Variants in TDP2 observed in about 807,000 individuals in gnomAD.
TDP2 encodes the protein tyrosyl-DNA phosphodiesterase 2, also known as 5'-Tyr-DNA phosphodiesterase.
TDP2 carries 38 observed loss-of-function variants against 42.8 expected under a neutral mutation model. The observed-to-expected ratio is 0.89, with a 90% CI of 0.68 to 1.16. TDP2 has a LOEUF of 1.16. TDP2 is among the 50% of genes most tolerant of loss of function. TDP2 has a pLI of 0.00. For missense variants in TDP2, 439 were observed against 439.3 expected, an observed-to-expected ratio of 1.00 and a Z score of 0.01; for synonymous variants, 173 against 150.6, an observed-to-expected ratio of 1.15 and a Z score of -1.09.
At chr6:24,665,944 G>A (rs1356110402) in intron 2 of TDP2, 2 of 795,342 alleles carry the variant, frequency 2.5e-6, no homozygotes, top group Non-Finnish European at 3.5e-6. Context: ...TGACCCGTTG[G>A]AAAAAAGTAA....
rs766838630 is a variant in TDP2 at position 24,650,926 on chromosome 6, TC to T, written c.950del (p.Arg317GlnfsTer23). On this transcript the variant is annotated frameshift_variant, in exon 7 of 7. Coordinates refer to ENST00000378198, the MANE Select transcript of TDP2 (RefSeq NM_016614.3). LOFTEE classifies it high-confidence loss of function. ...ITAACKLRFDRIFFRAAAEEG... is the reference protein window; with the variant it reads ...ITAACKLRFDXIFFRAAAEEG... ...CTTCTGCTGCTGCTCTGAAAAATAT[TC>T]GATCAAAACGAAGTTTACAAGCAGC... The T allele has an allele frequency of 6.2e-7, 1 of 1,614,156 alleles. No homozygotes were observed. The highest frequency in any genetic ancestry group is 1.1e-5 in the South Asian group (1 of 91,082).
chr6:24,652,550 T>G (rs1453095370), intron 6 of TDP2, among the ~76,000 whole-genome samples: 1 of 151,862 alleles, frequency 6.6e-6, no homozygotes, highest in Non-Finnish European at 1.5e-5. Flanking sequence ...TAAAAAAGGC[T>G]AATAAAAGCC....
Position 24,666,789 on chromosome 6 carries a change from C to T in TDP2, c.74G>A (p.Arg25Gln). 6.2e-7 allele frequency: 1 copy of T among 1,614,260 alleles called. No homozygotes were observed. Among genetic ancestry groups the T allele is most frequent in the South Asian group, 1.1e-5 (1 of 91,090 alleles). ...EEEGEPEVKK[R>Q]RLLCVEFASV... The stretch of plus-strand genomic sequence containing the variant: ...GGCAAACTCCACACACAGAAGTCGC[C>T]GCTTTTTCACCTCAGGCTCGCCCTC... The change falls in exon 1 of 7, where the codon CGG becomes CAG. Residue 25 changes from arginine (R) to glutamine (Q), a missense_variant. Transcript: ENST00000378198.
chr6:24,666,798 A>C lies in TDP2; in HGVS notation c.65T>G (p.Val22Gly), dbSNP rs1582428319. The change falls in exon 1 of 7, where the codon GTG becomes GGG. Residue 22 changes from valine to glycine, a missense_variant. Physicochemically the swap from Val to Gly is moderately radical, Grantham distance 109. Coordinates refer to ENST00000378198, the MANE Select transcript of TDP2 (RefSeq NM_016614.3). Reference sequence around the variant, plus strand: ...CACACACAGAAGTCGCCGCTTTTTCACCTCAGGCTCGCCCTCTTCCTCCGC... The same window carrying C: ...CACACACAGAAGTCGCCGCTTTTTCCCCTCAGGCTCGCCCTCTTCCTCCGC... ...EAAEEEGEPE[V>G]KKRRLLCVEF... 6.2e-7 allele frequency: 1 copy of C among 1,614,118 alleles called. No individual in the cohort carries two copies. The highest frequency in any genetic ancestry group is 1.3e-5 in the African/African-American group (1 of 75,032).
intron 4 of TDP2, among the ~76,000 whole-genome samples, chr6:24,655,119 T>C (rs1181193503): frequency 6.6e-6 from 1 of 151,966 alleles, no homozygotes. Context: ...ATGAGAAAAT[T>C]TGAGAAATTT....
chr6:24,653,300 A>C, intron 5 of TDP2, 147 bp from the exon 6 acceptor site: 1 of 860,490 alleles, frequency 1.2e-6, no homozygotes, highest in Non-Finnish European at 1.8e-6. Flanking sequence ...CCTCCGGATC[A>C]AAAGAAGTAT....
At chr6:24,655,253 AAGAAC>A (rs1490337236) in intron 4 of TDP2, among the ~76,000 whole-genome samples, 1 of 152,232 alleles carries the variant, frequency 6.6e-6, no homozygotes, top group Non-Finnish European at 1.5e-5. Context: ...ATAAACCTGC[AAGAAC>A]AGAAAATAGG....
chr6:24,666,738 A>C lies in TDP2; in HGVS notation c.125T>G (p.Val42Gly), dbSNP rs1248950116. Residue 42 changes from valine (V) to glycine (G), a missense_variant, in exon 1 of 7, where the codon GTG (valine) becomes GGG (glycine). By Grantham distance (109) the Val-to-Gly change is moderately radical. Transcript: ENST00000378198. ...GTTCTCGGCCAGGAAGCACTGAGCC[A>C]CTGCGGCATCGCAGCTTGCGACCGA... The part of the protein sequence containing the change: ...FASVASCDAA[V>G]AQCFLAENDW... The C allele has an allele frequency of 6.2e-7, 1 of 1,614,266 alleles. No individual in the cohort carries two copies. Among genetic ancestry groups the C allele is most frequent in the South Asian group, 1.1e-5 (1 of 91,090 alleles).
chr6:24,662,215 C>T (rs1778160357), intron 2 of TDP2, among the ~76,000 whole-genome samples: 1 of 151,858 alleles, frequency 6.6e-6, no homozygotes, highest in Admixed American at 6.6e-5. Flanking sequence ...AAGATCTGAC[C>T]GTCCCCCAGC....
chr6:24,652,939 A>G, intron 6 of TDP2, 44 bp downstream of exon 6: 2 of 1,602,036 alleles, frequency 1.2e-6, no homozygotes, highest in Non-Finnish European at 1.7e-6. Context: ...TAGTCTCCAT[A>G]GCAATAATCT....
intron 2 of TDP2, among the ~76,000 whole-genome samples, chr6:24,662,170 G>T (rs1778159514): frequency 6.6e-6 from 1 of 152,112 alleles, no homozygotes. Context: ...TCCCCCCACT[G>T]AGACAGCCTG....
intron 2 of TDP2, among the ~76,000 whole-genome samples, chr6:24,661,872 A>C (rs911884092): frequency 1.3e-5 from 2 of 152,190 alleles, no homozygotes; most frequent in Admixed American, 1.3e-4. Flanking sequence ...AGAGGAAGAC[A>C]TAAGAAACTC....
At chr6:24,665,424 C>G (rs927217364) in intron 2 of TDP2, among the ~76,000 whole-genome samples, 2 of 152,084 alleles carry the variant, frequency 1.3e-5, no homozygotes, top group African/African-American at 2.4e-5. Context: ...TAAACAATTC[C>G]CCAACAAGAG....
At chr6:24,656,249 A>G (rs975813364) in intron 4 of TDP2, among the ~76,000 whole-genome samples, 1 of 152,206 alleles carries the variant, frequency 6.6e-6, no homozygotes, top group African/African-American at 2.4e-5. Flanking sequence ...CTAAAAGTCA[A>G]GATAGTTGCC....
At chr6:24,657,736 T>G (rs3212231) in intron 4 of TDP2, 76 bp downstream of exon 4, 345,707 of 793,824 alleles carry the variant, frequency 0.44, 79,982 homozygotes, top group Non-Finnish European at 0.49. Context: ...TATGTCCCAA[T>G]AGACCAACTT....
At position 24,657,918 on chromosome 6, in the gene TDP2, C is replaced by A; in HGVS notation, c.426-15G>T. The A allele has an allele frequency of 1.4e-6, 2 of 1,444,922 alleles. No individual in the cohort carries two copies. The highest frequency in any genetic ancestry group is 2.5e-5 in the South Asian group (2 of 78,556). The allele number at this position is 1,444,922 out of a possible 1,614,324, so 89.5% of individuals were successfully genotyped here. On this transcript the variant is annotated splice_polypyrimidine_tract_variant and intron_variant, in intron 3 of 6. Transcript: ENST00000378198. ...CTGGGCTGTACCTAATGAAAAACAT[C>A]AATTTATGACAAATACCAAGTATAC...
rs1431259858 is a variant in TDP2, at chr6:24,666,084, G to T, written c.251+442C>A. ...AGGGGCACTGAAATAACAGGAGTAG[G>T]TGTGCATTAAAAAAAAATAACAACA... is the stretch of plus-strand genomic sequence containing the variant. On this transcript the variant is annotated intron_variant, in intron 2 of 6. Coordinates refer to ENST00000378198, the MANE Select transcript of TDP2 (RefSeq NM_016614.3). 5 of 1,538,288 alleles carry T rather than the reference G, an allele frequency of 3.3e-6. No homozygotes were observed. In the East Asian group the frequency reaches 1.2e-4, roughly 38 times the overall value.
At position 24,650,040 on chromosome 6, in the gene TDP2, C is replaced by G. The variant is rs1777945317; in HGVS notation, c.*748G>C. ...GGAAAATATTTTTCTTTAAAGCACACTTAAAAGTAATTTGCATTTACTTCC... is the reference window on the plus strand; with the variant it reads ...GGAAAATATTTTTCTTTAAAGCACAGTTAAAAGTAATTTGCATTTACTTCC... On this transcript the variant is annotated 3_prime_UTR_variant, in exon 7 of 7. Coordinates refer to ENST00000378198, the MANE Select transcript of TDP2 (RefSeq NM_016614.3). The G allele has an allele frequency of 6.6e-6, 1 of 152,172 alleles. No individual in the cohort carries two copies. Among genetic ancestry groups the G allele is most frequent in the African/African-American group, 2.4e-5 (1 of 41,444 alleles). The allele number at this position is 152,172 out of a possible 1,614,324, so 9.4% of individuals were successfully genotyped here.
chr6:24,651,957 C>A (rs764880383), intron 6 of TDP2, among the ~76,000 whole-genome samples: 14 of 150,578 alleles, frequency 9.3e-5, no homozygotes, highest in Non-Finnish European at 1.9e-4. Context: ...ACCATGACTA[C>A]CATCCATCTC....
Sources: allele counts gnomAD v4.1 joint callset (sites outside exome capture counted in the v4.1 genomes callset), GRCh38; gene constraint gnomAD v4.1.1; transcripts MANE v1.5; gene names NCBI Gene and HGNC (gene_info 2026-07-23, HGNC 2026-07-21).